Variants in NMT2 observed in about 807,000 individuals in gnomAD.
NMT2 encodes N-myristoyltransferase 2, also known as glycylpeptide N-tetradecanoyltransferase 2.
NMT2 carries 35 observed loss-of-function variants against 65.4 expected under a neutral mutation model. The observed-to-expected ratio is 0.54, with a 90% CI of 0.41 to 0.71. The LOEUF (loss-of-function observed/expected upper bound fraction) is 0.71. NMT2 is among the 30% of genes least tolerant of loss of function. NMT2 has a pLI of 0.00. For synonymous variants in NMT2, 226 were observed against 231.8 expected, an observed-to-expected ratio of 0.98 and a Z score of 0.23; for missense variants, 489 against 611.3, an observed-to-expected ratio of 0.80 and a Z score of 2.11.
At chr10:15,116,175 G>A (rs1213834436) in intron 9 of NMT2, among the ~76,000 whole-genome samples, 6 of 152,104 alleles carry the variant, frequency 3.9e-5, no homozygotes, top group Non-Finnish European at 7.4e-5. Context: ...TCCATATCCC[G>A]AGTAATAAAA....
chr10:15,135,936 AAGAG>A (rs764668085), intron 2 of NMT2, among the ~76,000 whole-genome samples: 1 of 151,290 alleles, frequency 6.6e-6, no homozygotes, highest in African/African-American at 2.4e-5. Flanking sequence ...GAGAGAAAGA[AAGAG>A]AGAGGATCGG....
At chr10:15,151,980 C>A (rs185511454) in intron 1 of NMT2, among the ~76,000 whole-genome samples, 1 of 152,310 alleles carries the variant, frequency 6.6e-6, no homozygotes, top group African/African-American at 2.4e-5. Context: ...GAGCCAAGAT[C>A]GTGCCACTGC....
At chr10:15,116,140 A>C (rs1218331128) in intron 9 of NMT2, among the ~76,000 whole-genome samples, 1 of 152,208 alleles carries the variant, frequency 6.6e-6, no homozygotes, top group African/African-American at 2.4e-5. Context: ...CGTTTCATGC[A>C]CCCATGGAAT....
At chr10:15,140,946 C>T (rs530369380) in intron 2 of NMT2, 36 of 1,520,590 alleles carry the variant, frequency 2.4e-5, no homozygotes, top group Admixed American at 5.9e-5. Context: ...GAAGAACGAC[C>T]GCTGCAAACT....
intron 1 of NMT2, among the ~76,000 whole-genome samples, chr10:15,166,969 C>T (rs1833397607): frequency 6.6e-6 from 1 of 152,156 alleles, no homozygotes; most frequent in African/African-American, 2.4e-5. Flanking sequence ...GAAATTACAG[C>T]AGAGAAGATA....
chr10:15,158,767 G>A (rs1423176070), intron 1 of NMT2, among the ~76,000 whole-genome samples: 1 of 152,142 alleles, frequency 6.6e-6, no homozygotes, highest in Non-Finnish European at 1.5e-5. Context: ...TTACAGTTCT[G>A]GAGGCTGGAA....
At chr10:15,109,883 T>C (rs570929743) in intron 10 of NMT2, 44 bp from the exon 11 acceptor site, 8 of 1,510,186 alleles carry the variant, frequency 5.3e-6, no homozygotes, top group East Asian at 4.6e-5. Flanking sequence ...AAAGGACTAG[T>C]GTTTTCTGTA....
intron 10 of NMT2, among the ~76,000 whole-genome samples, chr10:15,112,174 T>TTTTATA (rs1453766616): frequency 3.5e-5 from 1 of 28,874 alleles, no homozygotes; most frequent in Non-Finnish European, 6.4e-5. Flanking sequence ...GATATGGGCT[T>TTTTATA]TATATATATA....
chr10:15,168,395 C>A (rs751186434), intron 1 of NMT2, 108 bp downstream of exon 1: 33 of 739,996 alleles, frequency 4.5e-5, no homozygotes, highest in Non-Finnish European at 6.9e-5. Context: ...CATCGCGGGG[C>A]GGAGCGGCCG....
intron 9 of NMT2, among the ~76,000 whole-genome samples, chr10:15,116,048 A>G (rs1208766622): frequency 6.6e-6 from 1 of 152,218 alleles, no homozygotes; most frequent in Admixed American, 6.5e-5. Flanking sequence ...CAGCATGGAA[A>G]CAGAAGAGCT....
chr10:15,151,185 A>G (rs1260938589), intron 1 of NMT2, among the ~76,000 whole-genome samples: 2 of 151,928 alleles, frequency 1.3e-5, no homozygotes, highest in South Asian at 2.1e-4. Flanking sequence ...CAGCCTCCCA[A>G]GTAGCTGGGA....
Position 15,109,160 on chromosome 10 carries a change from G to A in NMT2, c.*35C>T. 1.3e-6 allele frequency: 2 copies of A among 1,599,324 alleles called. No homozygotes were observed. Among genetic ancestry groups the A allele is most frequent in the Non-Finnish European group, 1.7e-6 (2 of 1,175,764 alleles). ...CAGAAATCATTAAATATTAACAAAT[G>A]ATGATGTCAGAGTTCTAGAAATAAA... On this transcript the variant is annotated 3_prime_UTR_variant, in exon 12 of 12. Coordinates refer to ENST00000378165, the MANE Select transcript of NMT2 (RefSeq NM_004808.3).
chr10:15,123,531 GAAAAAAAAAAAAA>G (rs775699014), intron 8 of NMT2, among the ~76,000 whole-genome samples: 2 of 52,532 alleles, frequency 3.8e-5, no homozygotes, highest in African/African-American at 1.2e-4. Flanking sequence ...TCGTCTCACA[GAAAAAAAAAAAAA>G]AAAAAAAAAA....
intron 1 of NMT2, among the ~76,000 whole-genome samples, chr10:15,164,399 C>T (rs1833307945): frequency 6.6e-6 from 1 of 152,092 alleles, no homozygotes; most frequent in Non-Finnish European, 1.5e-5. Flanking sequence ...AGTATATGCT[C>T]TCTGTAAGTC....
chr10:15,121,417 G>T (rs948926937), intron 8 of NMT2, among the ~76,000 whole-genome samples: 2 of 152,206 alleles, frequency 1.3e-5, no homozygotes, highest in African/African-American at 4.8e-5. Context: ...ACCCAGGCTG[G>T]AGTGCAATGG....
At chr10:15,141,064 T>G in intron 2 of NMT2, 1 of 1,535,004 alleles carries the variant, frequency 6.5e-7, no homozygotes, top group Non-Finnish European at 8.8e-7. Context: ...CCAGAAAAAT[T>G]ACAATGTGAA....
At chr10:15,161,011 C>T (rs1176953126) in intron 1 of NMT2, among the ~76,000 whole-genome samples, 3 of 141,728 alleles carry the variant, frequency 2.1e-5, no homozygotes, top group Non-Finnish European at 4.5e-5. Context: ...AGGTGGATCA[C>T]CTGAGGTCAA....
chr10:15,123,421 C>G (rs979800905), intron 8 of NMT2, among the ~76,000 whole-genome samples: 1 of 150,634 alleles, frequency 6.6e-6, no homozygotes, highest in Non-Finnish European at 1.5e-5. Context: ...CCCAGCTACT[C>G]AGGAGGCTGA....
intron 9 of NMT2, among the ~76,000 whole-genome samples, chr10:15,114,090 G>C (rs1177515968): frequency 6.6e-6 from 1 of 152,198 alleles, no homozygotes; most frequent in African/African-American, 2.4e-5. Flanking sequence ...TCTTCAGCCA[G>C]CAAGAAACTA....
Sources: allele counts gnomAD v4.1 joint callset (sites outside exome capture counted in the v4.1 genomes callset), GRCh38; gene constraint gnomAD v4.1.1; transcripts MANE v1.5; gene names NCBI Gene and HGNC (gene_info 2026-07-23, HGNC 2026-07-21).